The following RSPO2 variants were observed in gnomAD, a reference collection of about 807,000 sequenced individuals.
RSPO2 encodes the protein R-spondin-2.
In RSPO2, 14 loss-of-function variants were observed where a neutral mutation model predicts 30.9. The observed-to-expected ratio is 0.45, with a 90% CI of 0.30 to 0.71. RSPO2 has a LOEUF of 0.71. RSPO2 is among the 30% of genes least tolerant of loss of function. RSPO2 has a pLI of 0.08. For synonymous variants in RSPO2, 107 were observed against 96.4 expected, an observed-to-expected ratio of 1.11 and a Z score of -0.64; for missense variants, 264 against 301.9, an observed-to-expected ratio of 0.87 and a Z score of 0.93.
intron 2 of RSPO2, among the ~76,000 whole-genome samples, chr8:108,038,758 T>G (rs966354062): frequency 3.7e-5 from 5 of 135,144 alleles, no homozygotes; most frequent in Admixed American, 2.1e-4. Flanking sequence ...TGTTAGTGGG[T>G]TTTTTTTTTT....
At chr8:108,055,363 C>T (rs1812211911) in intron 2 of RSPO2, among the ~76,000 whole-genome samples, 1 of 152,068 alleles carries the variant, frequency 6.6e-6, no homozygotes, top group African/African-American at 2.4e-5. Context: ...CACAGAGAGG[C>T]TTCCAGGCTA....
At chr8:107,932,774 A>C (rs1417822355) in intron 5 of RSPO2, among the ~76,000 whole-genome samples, 2 of 152,184 alleles carry the variant, frequency 1.3e-5, no homozygotes, top group Non-Finnish European at 2.9e-5. Flanking sequence ...AGAAACAGTC[A>C]AGTTTAGGAA....
chr8:107,996,827 TAAAAAAGG>T, intron 2 of RSPO2: 2 of 399,222 alleles, frequency 5.0e-6, no homozygotes, highest in Admixed American at 6.0e-5. Flanking sequence ...CTGCATTTTT[TAAAAAAGG>T]TATTATTAAA....
At chr8:107,983,040 ACGCTCCCCTG>A in intron 3 of RSPO2, 1 of 1,070,002 alleles carries the variant, frequency 9.3e-7, no homozygotes, top group Admixed American at 2.6e-5. Flanking sequence ...CGGCTGTGTC[ACGCTCCCCTG>A]CAGTCCCCTC....
At chr8:107,988,262 T>C (rs1020595939) in intron 3 of RSPO2, among the ~76,000 whole-genome samples, 4 of 152,136 alleles carry the variant, frequency 2.6e-5, no homozygotes, top group Non-Finnish European at 5.9e-5. Flanking sequence ...AACATTTTAG[T>C]TATATTAGTA....
chr8:107,993,166 C>T lies in RSPO2; in HGVS notation c.95-3922G>A, dbSNP rs374745994. ...CCAAACTTAAAGCATTCAGAGTTTC[C>T]GCATTATCAGTGAGGAAGACTAATG... On this transcript the variant is annotated intron_variant, in intron 2 of 5. Coordinates refer to ENST00000276659, the MANE Select transcript of RSPO2 (RefSeq NM_178565.5). 1.6e-3 allele frequency among the ~76,000 whole-genome samples: 243 copies of T among 152,102 alleles called. 5 individuals carry two copies. Among genetic ancestry groups the T allele is most frequent in the African/African-American group, 5.8e-3 (240 of 41,508 alleles).
At chr8:108,082,910 G>T in intron 1 of RSPO2, 103 bp from the exon 2 acceptor site, 1 of 456,150 alleles carries the variant, frequency 2.2e-6, no homozygotes, top group South Asian at 3.6e-5. Flanking sequence ...GAGGGAAGGA[G>T]GAAGCGAACC....
intron 2 of RSPO2, among the ~76,000 whole-genome samples, chr8:108,031,702 T>C (rs1488391415): frequency 1.3e-5 from 2 of 152,200 alleles, no homozygotes; most frequent in East Asian, 3.8e-4. Context: ...TTTTGGTTAG[T>C]GAACTTTGTT....
At chr8:107,967,375 A>T (rs80159403) in intron 3 of RSPO2, among the ~76,000 whole-genome samples, 1,708 of 152,312 alleles carry the variant, frequency 0.011, 39 homozygotes, top group African/African-American at 0.038. Flanking sequence ...TTTAAGCTTT[A>T]TGTTATCAAA....
chr8:107,967,592 T>G (rs1375065838), intron 3 of RSPO2, among the ~76,000 whole-genome samples: 1 of 152,162 alleles, frequency 6.6e-6, no homozygotes, highest in Non-Finnish European at 1.5e-5. Context: ...AATTAAACTC[T>G]TTGAATGATG....
rs907175649 is a variant in RSPO2, at chr8:108,081,616, T to G, written c.94+929A>C. 4.6e-5 allele frequency among the ~76,000 whole-genome samples: 7 copies of G among 152,296 alleles called. No homozygotes were observed. In the South Asian group the frequency reaches 6.2e-4, roughly 14 times the overall value. On this transcript the variant is annotated intron_variant, in intron 2 of 5. Transcript: ENST00000276659. ...GTGTCTAGCCGCCCTTCTTCTAAAA[T>G]GCAGTTGGATTAGTTGCATCTCCAG...
In RSPO2 at chr8:107,972,921, G is replaced by C. The variant is rs138787546; in HGVS notation, c.284-12104C>G. Among the ~76,000 whole-genome samples the C allele has an allele frequency of 4.5e-3, 685 of 152,210 alleles. 1 individual carries two copies. The highest frequency in any genetic ancestry group is 8.3e-3 in the Non-Finnish European group (567 of 68,020). On this transcript the variant is annotated intron_variant, in intron 3 of 5. Coordinates refer to ENST00000276659, the MANE Select transcript of RSPO2 (RefSeq NM_178565.5). Reference sequence around the variant, plus strand: ...CATAATCCTTTCAGAAGATAAAATTGAATGTTTTGATATTTTTAATGGGAT... The same window carrying C: ...CATAATCCTTTCAGAAGATAAAATTCAATGTTTTGATATTTTTAATGGGAT...
chr8:107,918,319 C>T (rs996348556), intron 5 of RSPO2, among the ~76,000 whole-genome samples: 1 of 152,084 alleles, frequency 6.6e-6, no homozygotes, highest in Admixed American at 6.6e-5. Flanking sequence ...CAATTTATGG[C>T]GGTGTAGTTG....
At position 107,989,259 on chromosome 8, in the gene RSPO2, C is replaced by A; in HGVS notation, c.95-15G>T. 1 of 1,527,918 alleles carries A rather than the reference C, an allele frequency of 6.5e-7. No homozygotes were observed. The highest frequency in any genetic ancestry group is 8.8e-7 in the Non-Finnish European group (1 of 1,141,806). The allele number at this position is 1,527,918 out of a possible 1,614,324, so 94.6% of individuals were successfully genotyped here. On this transcript the variant is annotated splice_polypyrimidine_tract_variant and intron_variant, in intron 2 of 5. Coordinates refer to ENST00000276659, the MANE Select transcript of RSPO2 (RefSeq NM_178565.5). ...TACATAACTAGCTGTAAAAGAAAAACAAAAATTGTGTTTAATTATCAGTAT... is the reference window on the plus strand; with the variant it reads ...TACATAACTAGCTGTAAAAGAAAAAAAAAAATTGTGTTTAATTATCAGTAT...
At chr8:107,918,633 C>T (rs1044780213) in intron 5 of RSPO2, among the ~76,000 whole-genome samples, 3 of 152,114 alleles carry the variant, frequency 2.0e-5, no homozygotes, top group African/African-American at 7.2e-5. Flanking sequence ...AGGATACAAA[C>T]CCATGGCTAG....
intron 2 of RSPO2, among the ~76,000 whole-genome samples, chr8:108,053,024 G>A (rs1812123052): frequency 6.6e-6 from 1 of 152,026 alleles, no homozygotes; most frequent in Non-Finnish European, 1.5e-5. Context: ...ACCTAGGTAG[G>A]GTATTATTTT....
chr8:108,066,603 C>G (rs1406216568), intron 2 of RSPO2, among the ~76,000 whole-genome samples: 1 of 152,122 alleles, frequency 6.6e-6, no homozygotes, highest in Admixed American at 6.5e-5. Flanking sequence ...AAACACGTAT[C>G]AACTCTCTTT....
At chr8:107,903,836 G>T (rs576208827) in intron 5 of RSPO2, among the ~76,000 whole-genome samples, 3 of 152,066 alleles carry the variant, frequency 2.0e-5, no homozygotes, top group African/African-American at 7.2e-5. Flanking sequence ...AAATACCGAG[G>T]AATTAAGATG....
intron 2 of RSPO2, among the ~76,000 whole-genome samples, chr8:108,004,432 C>A (rs1235520046): frequency 6.6e-6 from 1 of 152,152 alleles, no homozygotes; most frequent in African/African-American, 2.4e-5. Context: ...ACACAGCAAG[C>A]ATACCTATGT....
Sources: allele counts gnomAD v4.1 joint callset (sites outside exome capture counted in the v4.1 genomes callset), GRCh38; gene constraint gnomAD v4.1.1; transcripts MANE v1.5; gene names NCBI Gene and HGNC (gene_info 2026-07-23, HGNC 2026-07-21).